Variants in DENND5A observed in about 807,000 individuals in gnomAD.
The protein encoded by DENND5A is DENN domain-containing protein 5A.
Under a neutral mutation model 140.3 loss-of-function variants are expected in DENND5A, and 64 were observed. The ratio of observed to expected loss-of-function variants is 0.46; its 90% CI spans 0.37 to 0.56. The LOEUF is 0.56. Ranked by LOEUF, DENND5A falls within the 20% of genes least tolerant of loss-of-function variation. The pLI is 0.00. For synonymous variants in DENND5A, 605 were observed against 607.7 expected (o/e 1.00, Z 0.07); for missense variants, 1,292 against 1,593.8 (o/e 0.81, Z 3.22).
intron 1 of DENND5A, among the ~76,000 whole-genome samples, chr11:9,248,751 G>C (rs959493917): frequency 7.2e-5 from 11 of 151,874 alleles, no homozygotes; most frequent in African/African-American, 2.7e-4. Flanking sequence ...GAGGGGCTTA[G>C]GATTTTACTT....
At chr11:9,213,298 T>C (rs1188316949) in intron 1 of DENND5A, among the ~76,000 whole-genome samples, 1 of 151,868 alleles carries the variant, frequency 6.6e-6, no homozygotes, top group Non-Finnish European at 1.5e-5. Context: ...GAGTTTCTGA[T>C]AATATCTATA....
chr11:9,143,111 T>A lies in DENND5A; in HGVS notation c.3388-266A>T, dbSNP rs116742432. On this transcript the variant is annotated intron_variant, in intron 20 of 22. Transcript: ENST00000328194. The stretch of plus-strand genomic sequence containing the variant: ...TGGAGGACAAAGCCAGTGTGGCCAC[T>A]ATTCAAGGAGACCCAGGCAAATCTA... 8.7e-4 allele frequency: 514 copies of A among 588,388 alleles called. 1 individual carries two copies. In the African/African-American group the frequency reaches 8.8e-3, roughly 10 times the overall value. The allele number at this position is 588,388 out of a possible 1,614,324, so 36.4% of individuals were successfully genotyped here.
rs567522661 is a variant in DENND5A at position 9,235,629 on chromosome 11, G to A, written c.110-27997C>T. ...GCTGAGATCGCGCCACTGCACTCCA[G>A]CCTGGGCGACAGAGCAAGACTCTGT... On this transcript the variant is annotated intron_variant, in intron 1 of 22. Coordinates refer to ENST00000328194, the MANE Select transcript of DENND5A (RefSeq NM_015213.4). Among the ~76,000 whole-genome samples the A allele has an allele frequency of 1.1e-3, 172 of 150,954 alleles. 1 individual carries two copies. The highest frequency in any genetic ancestry group is 1.9e-3 in the Admixed American group (29 of 15,116).
chr11:9,179,168 C>T (rs1490622178), intron 6 of DENND5A, 95 bp from the exon 7 acceptor site: 2 of 1,072,608 alleles, frequency 1.9e-6, no homozygotes, highest in African/African-American at 3.2e-5. Flanking sequence ...TTTTTTTTTA[C>T]AGTGCTAATT....
chr11:9,160,887 G>A (rs769701853), intron 11 of DENND5A, 22 bp from the exon 12 acceptor site: 12 of 1,611,610 alleles, frequency 7.4e-6, no homozygotes, highest in South Asian at 1.1e-5. Context: ...CAGTCAACAG[G>A]ATTAAATAAC....
chr11:9,151,991 C>G (rs1847630908), intron 13 of DENND5A, among the ~76,000 whole-genome samples: 1 of 152,178 alleles, frequency 6.6e-6, no homozygotes, highest in African/African-American at 2.4e-5. Context: ...GCTCTCTTGA[C>G]TAACGGGATA....
chr11:9,189,263 AT>A (rs1849026222), intron 5 of DENND5A, among the ~76,000 whole-genome samples: 2 of 152,180 alleles, frequency 1.3e-5, no homozygotes, highest in African/African-American at 4.8e-5. Flanking sequence ...CTCTGCCTAG[AT>A]TTTTGCAGAG....
chr11:9,265,193 GC>G lies in DENND5A; in HGVS notation c.-125del. 2 of 391,240 alleles carry G rather than the reference GC, an allele frequency of 5.1e-6. No homozygotes were observed. Among genetic ancestry groups the G allele is most frequent in the Non-Finnish European group, 7.0e-6 (2 of 284,512 alleles). 24.2% of individuals were successfully genotyped at this position (391,240 alleles called of 1,614,324 possible). On this transcript the variant is annotated 5_prime_UTR_variant, in exon 1 of 23. An upstream open reading frame in the 5' UTR loses its in-frame stop. Transcript: ENST00000328194. This position sits in a 1 kb window ranked among gnomAD's most constrained non-coding sequence, Gnocchi z 4.7. ...CGCCGCTACCGCGGCTCGGGCCGCCGCCCCCGGCCCTGGCCCGGTCCCCTCG... is the reference window on the plus strand; with the variant it reads ...CGCCGCTACCGCGGCTCGGGCCGCCGCCCCGGCCCTGGCCCGGTCCCCTCG...
Position 9,156,872 on chromosome 11 carries a change from G to A in DENND5A, c.2436+3841C>T, listed in dbSNP as rs1232591745. Among the ~76,000 whole-genome samples, 5 of 93,594 alleles carry A rather than the reference G, an allele frequency of 5.3e-5. No homozygotes were observed. In the Admixed American group the frequency reaches 5.4e-4, roughly 10 times the overall value. The allele number at this position is 93,594 out of a possible 152,430, so 61.4% of individuals were successfully genotyped here. On this transcript the variant is annotated intron_variant, in intron 12 of 22. Coordinates refer to ENST00000328194, the MANE Select transcript of DENND5A (RefSeq NM_015213.4). ...GGACAGAGGGATGGAAGGATGGATGGAAGGAAGGAAGGAAGGAAGGAAGGA... is the reference window on the plus strand; with the variant it reads ...GGACAGAGGGATGGAAGGATGGATGAAAGGAAGGAAGGAAGGAAGGAAGGA...
chr11:9,165,172 T>C (rs996387757), intron 11 of DENND5A, among the ~76,000 whole-genome samples: 1 of 152,000 alleles, frequency 6.6e-6, no homozygotes, highest in African/African-American at 2.4e-5. Context: ...GCTAAATTTT[T>C]TGTGTCTTTA....
chr11:9,203,591 C>T (rs1246053380), intron 4 of DENND5A, 69 bp downstream of exon 4: 105 of 1,501,450 alleles, frequency 7.0e-5, no homozygotes, highest in Non-Finnish European at 9.3e-5. Context: ...CAGTCAGCCT[C>T]ACTGTATCTG....
intron 8 of DENND5A, among the ~76,000 whole-genome samples, chr11:9,173,134 C>T (rs1251645638): frequency 6.6e-6 from 1 of 151,930 alleles, no homozygotes; most frequent in Non-Finnish European, 1.5e-5. Context: ...CCTGGAGCAA[C>T]ATCTTTAGAG....
At chr11:9,193,163 G>A (rs1385168621) in intron 5 of DENND5A, among the ~76,000 whole-genome samples, 1 of 152,208 alleles carries the variant, frequency 6.6e-6, no homozygotes, top group Non-Finnish European at 1.5e-5. Flanking sequence ...AGGAGTTCAA[G>A]GCTACAGTAA....
At chr11:9,196,166 T>C (rs1450155581) in intron 4 of DENND5A, among the ~76,000 whole-genome samples, 5 of 152,076 alleles carry the variant, frequency 3.3e-5, no homozygotes, top group African/African-American at 2.4e-5. Flanking sequence ...TTGGCAAGGG[T>C]GGTCTCGAAC....
Position 9,264,987 on chromosome 11 carries a change from G to C in DENND5A, c.83C>G (p.Thr28Ser), listed in dbSNP as rs200062493. ...YFVICGLDTE[T>S]GLEPDELSAL... ...CGACAGCTCGTCCGGCTCCAGCCCGGTCTCCGTGTCCAGTCCGCAGATGAC... is the reference window on the plus strand; with the variant it reads ...CGACAGCTCGTCCGGCTCCAGCCCGCTCTCCGTGTCCAGTCCGCAGATGAC... Residue 28 changes from threonine (T) to serine (S), a missense_variant, in exon 1 of 23, where the codon ACC (threonine) becomes AGC (serine). Thr to Ser is a moderately conservative substitution (Grantham distance 58). This residue lies in a region of DENND5A where 566 missense variants were observed against 650.4 expected (regional missense o/e 0.87). Coordinates refer to ENST00000328194, the MANE Select transcript of DENND5A (RefSeq NM_015213.4). 2 of 1,588,462 alleles carry C rather than the reference G, an allele frequency of 1.3e-6. No homozygotes were observed. Among genetic ancestry groups the C allele is most frequent in the Non-Finnish European group, 1.7e-6 (2 of 1,169,536 alleles).
chr11:9,178,908 C>T lies in DENND5A; in HGVS notation c.1621G>A (p.Asp541Asn), dbSNP rs1184245657. The change falls in exon 7 of 23, where the codon GAT becomes AAT. Residue 541 changes from aspartate to asparagine, a missense_variant. Coordinates refer to ENST00000328194, the MANE Select transcript of DENND5A (RefSeq NM_015213.4). The part of the protein sequence containing the change: ...YEVFVIQPSQ[D>N]KESWFTNREQ... ...CTGTTGGTAAACCAGGATTCCTTAT[C>T]CTGGCTGGGTTGGATGACAAACACC... The T allele has an allele frequency of 1.2e-6, 2 of 1,614,014 alleles. No individual in the cohort carries two copies. Among genetic ancestry groups the T allele is most frequent in the African/African-American group, 2.7e-5 (2 of 74,916 alleles).
chr11:9,256,057 T>C (rs987394788), intron 1 of DENND5A, among the ~76,000 whole-genome samples: 4 of 147,624 alleles, frequency 2.7e-5, no homozygotes, highest in Admixed American at 2.0e-4. Flanking sequence ...ACACAGTTAC[T>C]ATATGACCCA....
At chr11:9,243,274 T>A (rs1435095731) in intron 1 of DENND5A, among the ~76,000 whole-genome samples, 4 of 152,074 alleles carry the variant, frequency 2.6e-5, no homozygotes, top group African/African-American at 9.7e-5. Context: ...CTAAACATTC[T>A]TCTAGTAGAT....
At chr11:9,228,977 T>C (rs1850649585) in intron 1 of DENND5A, among the ~76,000 whole-genome samples, 2 of 152,152 alleles carry the variant, frequency 1.3e-5, no homozygotes, top group African/African-American at 4.8e-5. Flanking sequence ...GAAGGGGTCA[T>C]GGGAACCCCT....
Sources: gnomAD v4.1 joint callset for allele counts (sites outside exome capture counted in the v4.1 genomes callset) on GRCh38, gnomAD v4.1.1 for gene constraint, gnomAD v4.1.1 regional missense constraint, Gnocchi (gnomAD v3.1) non-coding constraint, MANE v1.5 for transcripts, NCBI Gene and HGNC (gene_info 2026-07-23, HGNC 2026-07-21) for gene names.